The following ANKFN1 variants were observed in gnomAD, a reference collection of about 807,000 sequenced individuals.
ANKFN1 encodes the protein ankyrin repeat and fibronectin type-III domain-containing protein 1.
In ANKFN1, 74 loss-of-function variants were observed where a neutral mutation model predicts 108.7. That is an observed-to-expected ratio of 0.68 (90% confidence interval 0.56 to 0.83). The LOEUF (loss-of-function observed/expected upper bound fraction) is 0.83, where lower values mean the gene tolerates loss of function less well. Ranked by LOEUF, ANKFN1 falls within the 40% of genes least tolerant of loss-of-function variation. ANKFN1 has a pLI of 0.00. For missense variants in ANKFN1, 1,505 were observed against 1,382.3 expected (o/e 1.09, Z -1.41); for synonymous variants, 547 against 516.2 (o/e 1.06, Z -0.81).
intron 3 of ANKFN1, among the ~76,000 whole-genome samples, chr17:56,263,256 T>C (rs1465325542): frequency 6.6e-6 from 1 of 152,216 alleles, no homozygotes; most frequent in Non-Finnish European, 1.5e-5. Context: ...GAATTCCCTA[T>C]AAAGTGGACT....
At chr17:56,135,420 T>G (rs1330708375) in intron 4 of ANKFN1, among the ~76,000 whole-genome samples, 3 of 152,070 alleles carry the variant, frequency 2.0e-5, no homozygotes, top group Admixed American at 6.6e-5. Flanking sequence ...ATGGAGGAAT[T>G]TGGATTAGAA....
chr17:56,268,961 T>C (rs1462877159), intron 3 of ANKFN1, among the ~76,000 whole-genome samples: 2 of 152,190 alleles, frequency 1.3e-5, no homozygotes, highest in Non-Finnish European at 2.9e-5. Context: ...CACAAATAAC[T>C]GACTCCTATT....
Position 56,086,743 on chromosome 17 carries a change from A to T in ANKFN1, c.288+40418A>T, listed in dbSNP as rs1487788533. Among the ~76,000 whole-genome samples the T allele has an allele frequency of 2.6e-5, 4 of 151,522 alleles. No homozygotes were observed. The East Asian group carries it at 7.7e-4, about 29-fold the overall frequency. ...TGTGCACATTGTCCTACAGAAACTT[A>T]CTAAAAAGTCACAGAGACCGGCAGT... On this transcript the variant is annotated intron_variant, in intron 4 of 12. Coordinates refer to the ANKFN1 transcript ENST00000635860.
At chr17:56,051,733 A>T (rs939981032) in intron 4 of ANKFN1, among the ~76,000 whole-genome samples, 2 of 146,650 alleles carry the variant, frequency 1.4e-5, no homozygotes, top group African/African-American at 5.1e-5. Context: ...TCAGGATACA[A>T]AATCAATGTA....
At chr17:56,500,239 T>C (rs2145449826) in intron 20 of ANKFN1, among the ~76,000 whole-genome samples, 1 of 152,332 alleles carries the variant, frequency 6.6e-6, no homozygotes, top group Non-Finnish European at 1.5e-5. Context: ...ATTTTTATTA[T>C]AGAAAACTTT....
intron 3 of ANKFN1, among the ~76,000 whole-genome samples, chr17:56,320,629 G>C (rs1383052376): frequency 1.3e-5 from 2 of 152,076 alleles, no homozygotes; most frequent in African/African-American, 4.8e-5. Flanking sequence ...AATGATGACT[G>C]AAAGGAGGGT....
chr17:56,067,075 G>T (rs575613488), intron 4 of ANKFN1, among the ~76,000 whole-genome samples: 3 of 152,182 alleles, frequency 2.0e-5, no homozygotes, highest in Admixed American at 6.5e-5. Context: ...TGTAGTCCTG[G>T]CCACTCAGGA....
Position 56,480,804 on chromosome 17 carries a change from A to G in ANKFN1, c.2077A>G (p.Ile693Val), listed in dbSNP as rs752860469. 17 of 1,613,700 alleles carry G rather than the reference A, an allele frequency of 1.1e-5. No homozygotes were observed. The highest frequency in any genetic ancestry group is 1.4e-5 in the Non-Finnish European group (17 of 1,179,920). ...AVKALLQQINIPLHQARNFRL... is the reference protein window; with the variant it reads ...AVKALLQQINVPLHQARNFRL... ...GAAAGCTCTCCTTCAGCAGATCAAT[A>G]TACCTCTACACCAGGTACTAGACTT... is the stretch of plus-strand genomic sequence containing the variant. Residue 693 changes from isoleucine to valine, a missense_variant, in exon 17 of 21, where the codon ATA becomes GTA. Physicochemically the swap from Ile to Val is conservative, Grantham distance 29 (BLOSUM62 3). Coordinates refer to ENST00000682825, the MANE Select transcript of ANKFN1 (RefSeq NM_001370326.1).
intron 4 of ANKFN1, among the ~76,000 whole-genome samples, chr17:56,134,726 T>C (rs9897988): frequency 0.034 from 5,233 of 152,242 alleles, 276 homozygotes; most frequent in African/African-American, 0.12. Flanking sequence ...TAATTAAGGA[T>C]GGCATAGCTA....
intron 3 of ANKFN1, among the ~76,000 whole-genome samples, chr17:56,258,847 C>T (rs2043428593): frequency 2.6e-5 from 4 of 152,032 alleles, no homozygotes; most frequent in Admixed American, 2.6e-4. Context: ...GGAGGCGGAG[C>T]TTGCAGTGAG....
At chr17:56,482,858 T>TTC (rs137895172) in intron 18 of ANKFN1, among the ~76,000 whole-genome samples, 1 of 151,220 alleles carries the variant, frequency 6.6e-6, no homozygotes, top group Admixed American at 6.6e-5. Context: ...GCACTGCCCC[T>TTC]TCTCTCTCTC....
At chr17:56,426,499 A>G (rs150070324) in intron 8 of ANKFN1, among the ~76,000 whole-genome samples, 1 of 152,346 alleles carries the variant, frequency 6.6e-6, no homozygotes, top group Non-Finnish European at 1.5e-5. Flanking sequence ...AATACTCAAC[A>G]TTATGCATTT....
At chr17:56,498,281 A>G (rs186597549) in intron 19 of ANKFN1, among the ~76,000 whole-genome samples, 2 of 152,278 alleles carry the variant, frequency 1.3e-5, no homozygotes, top group African/African-American at 4.8e-5. Flanking sequence ...AAAAACCTCT[A>G]CTTAGCAAAA....
At chr17:56,347,718 G>A (rs1450079718) in intron 4 of ANKFN1, among the ~76,000 whole-genome samples, 15 of 152,012 alleles carry the variant, frequency 9.9e-5, no homozygotes, top group African/African-American at 1.2e-4. Flanking sequence ...GAGTGGAAAC[G>A]GCTACAGAAT....
intron 8 of ANKFN1, among the ~76,000 whole-genome samples, chr17:56,407,019 T>A (rs1055970953): frequency 1.3e-5 from 2 of 151,362 alleles, no homozygotes; most frequent in African/African-American, 4.8e-5. Flanking sequence ...CAGGTATAAA[T>A]AGGGAGGGGA....
chr17:56,194,716 G>T (rs189316819), intron 1 of ANKFN1, among the ~76,000 whole-genome samples: 10 of 152,264 alleles, frequency 6.6e-5, no homozygotes, highest in Middle Eastern at 3.4e-3. Flanking sequence ...AACACTGAGA[G>T]TTAACCCTAA....
intron 3 of ANKFN1, among the ~76,000 whole-genome samples, chr17:56,280,917 G>A (rs191681385): frequency 6.6e-6 from 1 of 152,118 alleles, no homozygotes; most frequent in Non-Finnish European, 1.5e-5. Context: ...TTCTCATGCT[G>A]TTTTCATAAT....
At chr17:56,382,501 G>A (rs942655320) in intron 8 of ANKFN1, among the ~76,000 whole-genome samples, 2 of 152,138 alleles carry the variant, frequency 1.3e-5, no homozygotes, top group African/African-American at 4.8e-5. Context: ...AATGTAAATG[G>A]ACTAAATCCT....
At chr17:56,179,565 C>T (rs1911492314) in intron 1 of ANKFN1, among the ~76,000 whole-genome samples, 1 of 152,208 alleles carries the variant, frequency 6.6e-6, no homozygotes, top group African/African-American at 2.4e-5. Flanking sequence ...TTTTCTGCCC[C>T]TAGCTCGGGC....
Sources: allele counts gnomAD v4.1 joint callset (sites outside exome capture counted in the v4.1 genomes callset), GRCh38; gene constraint gnomAD v4.1.1; transcripts MANE v1.5; gene names NCBI Gene and HGNC (gene_info 2026-07-23, HGNC 2026-07-21).